The following APBA2 variants were observed in gnomAD, a reference collection of about 807,000 sequenced individuals.
APBA2 encodes the protein amyloid-beta A4 precursor protein-binding family A member 2.
A neutral mutation model predicts 75.0 loss-of-function variants in APBA2; 30 were observed. The ratio of observed to expected loss-of-function variants is 0.40; its 90% confidence interval spans 0.30 to 0.54. The LOEUF (loss-of-function observed/expected upper bound fraction) is 0.54. Among genes scored for constraint, APBA2 ranks in the 20% least tolerant of loss-of-function variants. The pLI is 0.49. For synonymous variants in APBA2, 444 were observed against 409.6 expected (o/e 1.08, Z -1.01); for missense variants, 801 against 1,016.1 (o/e 0.79, Z 2.88).
chr15:29,002,809 C>A (rs1188822818), intron 3 of APBA2, among the ~76,000 whole-genome samples: 1 of 152,034 alleles, frequency 6.6e-6, no homozygotes, highest in Non-Finnish European at 1.5e-5. Context: ...TTGGTGGCCG[C>A]ATACTGTGAA....
chr15:29,098,739 C>T (rs976860470), intron 9 of APBA2, among the ~76,000 whole-genome samples, 163 bp downstream of exon 9: 14 of 152,238 alleles, frequency 9.2e-5, no homozygotes, highest in African/African-American at 3.4e-4. Flanking sequence ...AAGGAGCGCA[C>T]AGCAGGTAGC....
chr15:29,060,854 C>G (rs1321658915), intron 4 of APBA2, among the ~76,000 whole-genome samples: 1 of 152,032 alleles, frequency 6.6e-6, no homozygotes, highest in Non-Finnish European at 1.5e-5. Context: ...ATTGTGTGAC[C>G]TGATGGAATT....
At chr15:29,011,794 T>C (rs1282440360) in intron 3 of APBA2, among the ~76,000 whole-genome samples, 1 of 152,224 alleles carries the variant, frequency 6.6e-6, no homozygotes, top group Non-Finnish European at 1.5e-5. Flanking sequence ...TTTGTCTTAT[T>C]ATAGTCCTGT....
At position 28,939,882 on chromosome 15, in the gene APBA2, G is replaced by C. The variant is rs548257494; in HGVS notation, c.-95+18133G>C. The stretch of plus-strand genomic sequence containing the variant: ...GCACAGAAACAGAGCCGTAAGGACT[G>C]GGGGGAACGTCCAGTCCATAGTTCT... On this transcript the variant is annotated intron_variant, in intron 2 of 14. Transcript: ENST00000683413. Among the ~76,000 whole-genome samples, 3 of 152,302 alleles carry C rather than the reference G, an allele frequency of 2.0e-5. No homozygotes were observed. In the South Asian group the frequency reaches 6.2e-4, roughly 32 times the overall value.
intron 6 of APBA2, among the ~76,000 whole-genome samples, chr15:29,089,796 G>C (rs1197547943): frequency 6.6e-6 from 1 of 152,190 alleles, no homozygotes; most frequent in Non-Finnish European, 1.5e-5. Flanking sequence ...AAGATATACG[G>C]TGTGAAAAGG....
rs138391190 is a variant in APBA2, at chr15:29,113,135, C to T, written c.2038-741C>T. Among the ~76,000 whole-genome samples, 398 of 152,260 alleles carry T rather than the reference C, an allele frequency of 2.6e-3. 3 individuals carry two copies. Among genetic ancestry groups the T allele is most frequent in the African/African-American group, 9.0e-3 (373 of 41,558 alleles). On this transcript the variant is annotated intron_variant, in intron 13 of 14. Transcript: ENST00000683413. ...CCCTCGGCTGTTGTGAACACTGCTG[C>T]TGTGAACACGGGTGTGCACGGCGCC...
At chr15:28,983,417 G>A (rs2037727743) in intron 2 of APBA2, among the ~76,000 whole-genome samples, 1 of 152,196 alleles carries the variant, frequency 6.6e-6, no homozygotes, top group Non-Finnish European at 1.5e-5. Flanking sequence ...GTCCTGTTCT[G>A]ATACTCAGTT....
chr15:28,935,436 G>C (rs80258060), intron 2 of APBA2, among the ~76,000 whole-genome samples: 8 of 152,202 alleles, frequency 5.3e-5, no homozygotes, highest in African/African-American at 1.4e-4. Flanking sequence ...TGCCGCTGCT[G>C]TCTGGGCCTC....
At chr15:29,001,578 A>G (rs1168701370) in intron 3 of APBA2, among the ~76,000 whole-genome samples, 1 of 152,206 alleles carries the variant, frequency 6.6e-6, no homozygotes, top group Non-Finnish European at 1.5e-5. Flanking sequence ...GGGCGGGTAG[A>G]TTGTGAGAAT....
intron 2 of APBA2, among the ~76,000 whole-genome samples, chr15:28,988,840 A>G (rs975090921): frequency 5.3e-5 from 8 of 152,182 alleles, no homozygotes; most frequent in African/African-American, 1.9e-4. Context: ...AGAGTACAGT[A>G]ATCTTCAAAC....
chr15:28,996,645 G>T (rs1021379790), intron 3 of APBA2, among the ~76,000 whole-genome samples: 1 of 152,178 alleles, frequency 6.6e-6, no homozygotes, highest in African/African-American at 2.4e-5. Flanking sequence ...GGAGCAGAGG[G>T]CATTGTTGCT....
At chr15:28,977,942 A>G (rs67707105) in intron 2 of APBA2, among the ~76,000 whole-genome samples, 51,634 of 152,058 alleles carry the variant, frequency 0.34, 15,491 homozygotes, top group African/African-American at 0.79. Flanking sequence ...CTGTGGACTC[A>G]GGCAGGCCTC....
At chr15:28,909,931 G>C (rs577290918) in intron 1 of APBA2, among the ~76,000 whole-genome samples, 1 of 152,174 alleles carries the variant, frequency 6.6e-6, no homozygotes, top group African/African-American at 2.4e-5. Context: ...GCAGTAGCTG[G>C]TGCGATCCTC....
chr15:29,047,964 A>G (rs1297073709), intron 3 of APBA2, among the ~76,000 whole-genome samples: 1 of 152,230 alleles, frequency 6.6e-6, no homozygotes, highest in African/African-American at 2.4e-5. Context: ...AAAGAAAATT[A>G]CAAAGCCGTT....
At chr15:28,920,988 T>G (rs1240574125) in intron 1 of APBA2, among the ~76,000 whole-genome samples, 1 of 152,146 alleles carries the variant, frequency 6.6e-6, no homozygotes, top group Non-Finnish European at 1.5e-5. Context: ...GATGGCCACC[T>G]GCATCTCAAG....
At chr15:29,115,322 A>C (rs901576607) in intron 14 of APBA2, among the ~76,000 whole-genome samples, 1 of 152,096 alleles carries the variant, frequency 6.6e-6, no homozygotes, top group East Asian at 1.9e-4. Flanking sequence ...ACATCGGGAC[A>C]CTGGTATTTT....
chr15:28,942,947 G>A (rs2035320949), intron 2 of APBA2, among the ~76,000 whole-genome samples: 1 of 152,178 alleles, frequency 6.6e-6, no homozygotes, highest in South Asian at 2.1e-4. Flanking sequence ...CTCGTTCTCA[G>A]GGGGGGCTTC....
intron 2 of APBA2, among the ~76,000 whole-genome samples, chr15:28,960,774 T>C (rs1468413001): frequency 6.6e-6 from 1 of 151,304 alleles, no homozygotes; most frequent in East Asian, 1.9e-4. Flanking sequence ...TTTTTTTTTT[T>C]TTTGAGACGG....
intron 3 of APBA2, among the ~76,000 whole-genome samples, chr15:29,021,279 A>G (rs2039941300): frequency 6.6e-6 from 1 of 152,184 alleles, no homozygotes; most frequent in Non-Finnish European, 1.5e-5. Context: ...CTGTAATCCC[A>G]GCACTTTGGG....
Sources: gnomAD v4.1 joint callset for allele counts (sites outside exome capture counted in the v4.1 genomes callset) on GRCh38, gnomAD v4.1.1 for gene constraint, MANE v1.5 for transcripts, NCBI Gene and HGNC (gene_info 2026-07-23, HGNC 2026-07-21) for gene names.